The following TRAK1 variants were observed in gnomAD, a reference collection of about 807,000 sequenced individuals.
The protein encoded by TRAK1 is trafficking kinesin protein 1, also known as trafficking kinesin-binding protein 1.
TRAK1 carries 33 observed loss-of-function variants against 92.1 expected under a neutral mutation model. The ratio of observed to expected loss-of-function variants is 0.36; its 90% confidence interval spans 0.27 to 0.48. TRAK1 has a LOEUF of 0.48. Among genes scored for constraint, TRAK1 ranks in the 20% least tolerant of loss-of-function variants. The pLI, the probability that TRAK1 is intolerant of heterozygous loss-of-function variation, is 0.99. For synonymous variants in TRAK1, 521 were observed against 517.3 expected (o/e 1.01, Z -0.10); for missense variants, 1,123 against 1,257.9 (o/e 0.89, Z 1.62).
upstream of TRAK1, among the ~76,000 whole-genome samples, chr3:42,088,385 C>T (rs140832801): frequency 3.0e-4 from 45 of 152,212 alleles, no homozygotes; most frequent in African/African-American, 9.2e-4. Flanking sequence ...CATGTGTTGT[C>T]CTCCGCTTGT....
intron 1 of TRAK1, among the ~76,000 whole-genome samples, chr3:42,060,858 T>C (rs1703407329): frequency 6.6e-6 from 1 of 152,134 alleles, no homozygotes; most frequent in African/African-American, 2.4e-5. Flanking sequence ...CTCGAACTCC[T>C]GACCTCAGTT....
chr3:42,044,211 A>G (rs568377114), intron 1 of TRAK1, among the ~76,000 whole-genome samples: 10 of 152,250 alleles, frequency 6.6e-5, no homozygotes, highest in African/African-American at 2.2e-4. Context: ...CCCAGGCTGG[A>G]GTGCAGTGGC....
chr3:42,178,414 TC>T (rs1207121463), intron 3 of TRAK1, among the ~76,000 whole-genome samples: 1 of 152,108 alleles, frequency 6.6e-6, no homozygotes. Context: ...GCTCCTGCTC[TC>T]CCGCCCTTGG....
At chr3:42,121,076 C>T (rs1709783388) in intron 1 of TRAK1, among the ~76,000 whole-genome samples, 1 of 152,140 alleles carries the variant, frequency 6.6e-6, no homozygotes, top group Non-Finnish European at 1.5e-5. Context: ...GCTGAGGCTG[C>T]TCCTACCTGA....
At chr3:42,096,454 A>T (rs1167630647) in intron 1 of TRAK1, among the ~76,000 whole-genome samples, 1 of 152,156 alleles carries the variant, frequency 6.6e-6, no homozygotes, top group African/African-American at 2.4e-5. Flanking sequence ...GGGATTCGCC[A>T]TGTTGGCCAG....
At chr3:42,130,646 CAG>C (rs1697072918) in intron 2 of TRAK1, among the ~76,000 whole-genome samples, 2 of 152,230 alleles carry the variant, frequency 1.3e-5, no homozygotes, top group South Asian at 4.2e-4. Flanking sequence ...TGGACCAATG[CAG>C]GCAGCTCTTG....
At chr3:42,086,283 A>G (rs1299392149), upstream of TRAK1, among the ~76,000 whole-genome samples, 1 of 150,766 alleles carries the variant, frequency 6.6e-6, no homozygotes, top group African/African-American at 2.5e-5. Flanking sequence ...GTGAGTCTGT[A>G]GTTTTCATCA....
chr3:42,051,885 C>A (rs1005609699), intron 1 of TRAK1, among the ~76,000 whole-genome samples: 1 of 152,194 alleles, frequency 6.6e-6, no homozygotes, highest in Admixed American at 6.5e-5. Context: ...TGGTGGCTAT[C>A]CAGATGTGTG....
intron 1 of TRAK1, among the ~76,000 whole-genome samples, chr3:42,021,232 C>T (rs1701710785): frequency 6.6e-6 from 1 of 152,142 alleles, no homozygotes; most frequent in Non-Finnish European, 1.5e-5. Context: ...AATTGGTTTA[C>T]TGGCTTTCTT....
intron 4 of TRAK1, among the ~76,000 whole-genome samples, chr3:42,186,022 A>G: frequency 8.3e-6 from 1 of 120,254 alleles, no homozygotes; most frequent in East Asian, 2.4e-4. Flanking sequence ...TCACTCTGTC[A>G]CTCAGGCTAG....
At position 42,016,511 on chromosome 3, in the gene TRAK1, G is replaced by A. The variant is rs186331010; in HGVS notation, c.-519+2394G>A. ...CAAGCCACCACTCCCAGTCCCTGTC[G>A]TTGCATTCTGAGTCCCTGCCTCTGA... is the stretch of plus-strand genomic sequence containing the variant. On this transcript the variant is annotated intron_variant, in intron 1 of 16. Transcript: ENST00000487159. 1.7e-3 allele frequency among the ~76,000 whole-genome samples: 263 copies of A among 152,264 alleles called. 1 individual carries two copies. Among genetic ancestry groups the A allele is most frequent in the African/African-American group, 6.2e-3 (257 of 41,550 alleles).
At chr3:42,068,709 G>A (rs1012291455) in intron 1 of TRAK1, among the ~76,000 whole-genome samples, 6 of 152,102 alleles carry the variant, frequency 3.9e-5, no homozygotes, top group East Asian at 3.9e-4. Context: ...TCTCCATTTC[G>A]CCAACAAGTT....
At chr3:42,212,660 TTA>T (rs1709192548) in intron 14 of TRAK1, 1 of 663,234 alleles carries the variant, frequency 1.5e-6, no homozygotes, top group Non-Finnish European at 1.9e-6. Context: ...GTGATATGTT[TTA>T]TGTTTTAATT....
In TRAK1 at chr3:42,160,318, A is replaced by C. The variant is rs374331015; in HGVS notation, c.287-16496A>C. The C allele has an allele frequency of 8.5e-5, 136 of 1,609,174 alleles. No individual in the cohort carries two copies. In the African/African-American group the frequency reaches 1.7e-3, roughly 21 times the overall value. On this transcript the variant is annotated intron_variant, in intron 2 of 15. Transcript: ENST00000327628. ...TAGGGGGTCGGGGGCACCCCCAAGG[A>C]TGGTCCCTTAGGGTGATGTTTTGGC...
intron 1 of TRAK1, among the ~76,000 whole-genome samples, chr3:42,027,836 A>G (rs990256788): frequency 6.6e-6 from 1 of 152,146 alleles, no homozygotes; most frequent in Non-Finnish European, 1.5e-5. Context: ...GAAGCCTTTT[A>G]TCTCAATGGC....
intron 1 of TRAK1, among the ~76,000 whole-genome samples, chr3:42,113,393 CCTACCT>C (rs1436430423): frequency 0.02 from 674 of 33,758 alleles, 13 homozygotes; most frequent in African/African-American, 0.074. Context: ...TACCCCTACC[CCTACCT>C]CTACCCCTAC....
At chr3:42,025,395 G>T (rs1701875214) in intron 1 of TRAK1, among the ~76,000 whole-genome samples, 1 of 152,106 alleles carries the variant, frequency 6.6e-6, no homozygotes, top group South Asian at 2.1e-4. Context: ...TTGATAAGTT[G>T]TGTATTTTAA....
chr3:42,139,679 T>C (rs1371000888), intron 2 of TRAK1, among the ~76,000 whole-genome samples: 1 of 152,218 alleles, frequency 6.6e-6, no homozygotes, highest in South Asian at 2.1e-4. Flanking sequence ...ATGTTGAGTA[T>C]TTATTTTTTT....
intron 2 of TRAK1, among the ~76,000 whole-genome samples, chr3:42,147,779 A>G (rs1345928105): frequency 6.6e-6 from 1 of 152,248 alleles, no homozygotes; most frequent in Non-Finnish European, 1.5e-5. Flanking sequence ...GCAAGGCCCA[A>G]TGATAAGGGC....
Sources: allele counts gnomAD v4.1 joint callset (sites outside exome capture counted in the v4.1 genomes callset), GRCh38; gene constraint gnomAD v4.1.1; transcripts MANE v1.5; gene names NCBI Gene and HGNC (gene_info 2026-07-23, HGNC 2026-07-21).